Variants in MACROD1 observed in about 807,000 individuals in gnomAD.
MACROD1 encodes ADP-ribose glycohydrolase MACROD1.
In MACROD1, 31 loss-of-function variants were observed where a neutral mutation model predicts 41.4. The observed-to-expected ratio is 0.75, with a 90% CI of 0.56 to 1.01. The LOEUF (loss-of-function observed/expected upper bound fraction) is 1.01. Ranked by LOEUF, MACROD1 falls within the 50% of genes least tolerant of loss-of-function variation. The pLI, the probability that MACROD1 is intolerant of heterozygous loss-of-function variation, is 0.00. For missense variants in MACROD1, 473 were observed against 460.0 expected (o/e 1.03, Z -0.26); for synonymous variants, 252 against 203.4 (o/e 1.24, Z -2.03).
intron 3 of MACROD1, among the ~76,000 whole-genome samples, chr11:64,060,174 G>A (rs767477181): frequency 5.3e-5 from 8 of 152,228 alleles, no homozygotes; most frequent in Non-Finnish European, 7.3e-5. Flanking sequence ...CGCGGACGGC[G>A]GTGCCAGCAT....
intron 3 of MACROD1, among the ~76,000 whole-genome samples, chr11:64,100,249 C>T (rs1164552970): frequency 3.3e-5 from 5 of 152,158 alleles, no homozygotes; most frequent in Non-Finnish European, 7.3e-5. Flanking sequence ...TCGGCCAAAA[C>T]GCAGAGGGTG....
chr11:64,077,297 C>T (rs567434733), intron 3 of MACROD1, among the ~76,000 whole-genome samples: 1 of 152,326 alleles, frequency 6.6e-6, no homozygotes, highest in South Asian at 2.1e-4. Context: ...TGTTTGCATC[C>T]AGGGGGTCAG....
At chr11:64,141,255 C>T (rs1945408940) in intron 3 of MACROD1, among the ~76,000 whole-genome samples, 1 of 152,218 alleles carries the variant, frequency 6.6e-6, no homozygotes, top group Non-Finnish European at 1.5e-5. Context: ...CCACGCCAAG[C>T]TGGCACCAGG....
rs967867293 is a variant in MACROD1 at position 64,035,465 on chromosome 11, G to A, written c.518-20184C>T. ...AGTGGGTGCGGAGAGGAGGGTGCTG[G>A]GGAGGCGGCGCGTGAGCTAGAACCC... On this transcript the variant is annotated intron_variant, in intron 3 of 10. Coordinates refer to ENST00000255681, the MANE Select transcript of MACROD1 (RefSeq NM_014067.4). 1.9e-4 allele frequency among the ~76,000 whole-genome samples: 29 copies of A among 152,212 alleles called. No homozygotes were observed. The East Asian group carries it at 3.9e-3, about 20-fold the overall frequency.
chr11:64,162,671 T>C (rs897348838), intron 1 of MACROD1, among the ~76,000 whole-genome samples: 1 of 146,590 alleles, frequency 6.8e-6, no homozygotes, highest in African/African-American at 2.5e-5. Flanking sequence ...AAAAATTATC[T>C]GGGCATGGTG....
At chr11:64,134,669 C>T (rs1387592258) in intron 3 of MACROD1, among the ~76,000 whole-genome samples, 1 of 152,064 alleles carries the variant, frequency 6.6e-6, no homozygotes, top group Non-Finnish European at 1.5e-5. Flanking sequence ...CACCTGTACA[C>T]AGCAATACTT....
intron 3 of MACROD1, among the ~76,000 whole-genome samples, chr11:64,104,753 A>G (rs1372499129): frequency 6.6e-6 from 1 of 152,150 alleles, no homozygotes; most frequent in Non-Finnish European, 1.5e-5. Flanking sequence ...CTTCCAGTTC[A>G]GCCTCTTTGT....
At chr11:64,149,157 G>C (rs1027209543) in intron 3 of MACROD1, 2 of 357,338 alleles carry the variant, frequency 5.6e-6, no homozygotes, top group South Asian at 1.1e-4. Flanking sequence ...GCTGGGACAG[G>C]GGTGATGCCC....
intron 3 of MACROD1, among the ~76,000 whole-genome samples, chr11:64,095,690 G>A (rs898898320): frequency 4.6e-5 from 7 of 152,226 alleles, no homozygotes; most frequent in African/African-American, 1.7e-4. Context: ...TCACAGCGGA[G>A]GTCTGAGGAG....
At chr11:64,088,403 G>A (rs555623414) in intron 3 of MACROD1, among the ~76,000 whole-genome samples, 1 of 152,296 alleles carries the variant, frequency 6.6e-6, no homozygotes, top group South Asian at 2.1e-4. Context: ...CTCACCTGTG[G>A]AAGGCCGGCA....
At chr11:64,152,437 G>C (rs774948571) in intron 1 of MACROD1, 44 bp from the exon 2 acceptor site, 1 of 1,491,004 alleles carries the variant, frequency 6.7e-7, no homozygotes, top group Non-Finnish European at 9.4e-7. Flanking sequence ...CAGAGGAACG[G>C]GCCTGGGGCT....
chr11:64,071,235 G>A (rs1944102748), intron 3 of MACROD1, among the ~76,000 whole-genome samples: 1 of 152,062 alleles, frequency 6.6e-6, no homozygotes, highest in African/African-American at 2.4e-5. Flanking sequence ...GACCCTGTCA[G>A]GTACCTCTCT....
intron 3 of MACROD1, among the ~76,000 whole-genome samples, chr11:64,086,399 A>T (rs1452770185): frequency 6.6e-6 from 1 of 151,726 alleles, no homozygotes; most frequent in Non-Finnish European, 1.5e-5. Context: ...AGCTCAGAGG[A>T]TGGAACATTC....
intron 4 of MACROD1, among the ~76,000 whole-genome samples, chr11:64,010,643 T>G (rs1282229169): frequency 2.2e-4 from 26 of 115,924 alleles, no homozygotes; most frequent in East Asian, 1.2e-3. Flanking sequence ...TGGAGTGTTG[T>G]TTGGGGTGTT....
At chr11:64,131,853 A>G (rs907820589) in intron 3 of MACROD1, among the ~76,000 whole-genome samples, 1 of 152,206 alleles carries the variant, frequency 6.6e-6, no homozygotes, top group Non-Finnish European at 1.5e-5. Flanking sequence ...TGGTTGATGA[A>G]AATCTCCTAC....
Position 64,152,283 on chromosome 11 carries a change from A to G in MACROD1, c.400+9T>C. 6.2e-7 allele frequency: 1 copy of G among 1,613,946 alleles called. No individual in the cohort carries two copies. The highest frequency in any genetic ancestry group is 8.5e-7 in the Non-Finnish European group (1 of 1,179,758). On this transcript the variant is annotated intron_variant, in intron 2 of 10. Transcript: ENST00000255681. ...CTGCCCACCAGGGCCTCCCCCGAGC[A>G]GGGCCTACCTTTCGCCATCTCCTTC...
At chr11:64,145,138 C>T (rs1167493644) in intron 3 of MACROD1, among the ~76,000 whole-genome samples, 1 of 152,170 alleles carries the variant, frequency 6.6e-6, no homozygotes, top group Admixed American at 6.5e-5. Context: ...CAAATCAAAG[C>T]CCCAAGACTT....
At chr11:64,013,753 C>T (rs1590800706) in intron 4 of MACROD1, among the ~76,000 whole-genome samples, 1 of 152,202 alleles carries the variant, frequency 6.6e-6, no homozygotes, top group Non-Finnish European at 1.5e-5. Context: ...CCCATCTCCC[C>T]ACCTCTTGGC....
chr11:64,109,319 G>A (rs771891529), intron 3 of MACROD1, among the ~76,000 whole-genome samples: 1 of 152,168 alleles, frequency 6.6e-6, no homozygotes, highest in Non-Finnish European at 1.5e-5. Context: ...AAGAAGCTTG[G>A]TGTCACTGAC....
Sources: allele counts gnomAD v4.1 joint callset (sites outside exome capture counted in the v4.1 genomes callset), GRCh38; gene constraint gnomAD v4.1.1; transcripts MANE v1.5; gene names NCBI Gene and HGNC (gene_info 2026-07-23, HGNC 2026-07-21).